Variants in DIPK2B observed in about 807,000 individuals in gnomAD.
DIPK2B encodes UPF0672 protein CXorf36.
In DIPK2B, 15 loss-of-function variants were observed where a neutral mutation model predicts 22.2. The observed-to-expected ratio is 0.68, with a 90% CI of 0.45 to 1.04. DIPK2B has a LOEUF of 1.04. Among genes scored for constraint, DIPK2B ranks in the 50% least tolerant of loss-of-function variants. The pLI is 0.00. For missense variants in DIPK2B, 345 were observed against 348.3 expected, an observed-to-expected ratio of 0.99 and a Z score of 0.08; for synonymous variants, 163 against 153.2, an observed-to-expected ratio of 1.06 and a Z score of -0.47.
At chrX:45,156,208 G>A (rs1411757633) in intron 3 of DIPK2B, among the ~76,000 whole-genome samples, 1 of 110,053 alleles carries the variant, frequency 9.1e-6, no homozygotes, top group Non-Finnish European at 1.9e-5. Context: ...CTGACCTCAG[G>A]TGACCCGCCC....
At chrX:45,153,859 T>C in intron 4 of DIPK2B, 51 bp downstream of exon 4, 1 of 1,138,246 alleles carries the variant, frequency 8.8e-7, no homozygotes, top group Non-Finnish European at 1.2e-6. Context: ...CTAGCTCCTG[T>C]CACCCTGACT....
intron 2 of DIPK2B, among the ~76,000 whole-genome samples, chrX:45,178,090 T>C (rs1003745522): frequency 9.0e-6 from 1 of 111,533 alleles, no homozygotes; most frequent in Admixed American, 9.5e-5. Context: ...TCTTATCTGC[T>C]GTAAGTGTGT....
intron 1 of DIPK2B, among the ~76,000 whole-genome samples, chrX:45,197,666 C>T (rs1366217760): frequency 9.0e-6 from 1 of 111,532 alleles, no homozygotes; most frequent in Admixed American, 9.5e-5. Flanking sequence ...TACAAATGGT[C>T]AATAAATCTG....
chrX:45,166,641 C>T lies in DIPK2B; in HGVS notation c.499-8753G>A, dbSNP rs184023408. Among the ~76,000 whole-genome samples, 4 of 112,098 alleles carry T rather than the reference C, an allele frequency of 3.6e-5. No homozygotes were observed. The East Asian group carries it at 8.4e-4, about 23-fold the overall frequency. On this transcript the variant is annotated intron_variant, in intron 2 of 4. Transcript: ENST00000398000. ...TGTCCAACTTGCTTCTGCCTGACTT[C>T]TGGCAGTTTCCAAAAGCAAATGTTT...
chrX:45,187,534 C>A (rs1004392374), intron 2 of DIPK2B, among the ~76,000 whole-genome samples: 3 of 110,456 alleles, frequency 2.7e-5, no homozygotes, highest in Non-Finnish European at 5.7e-5. Flanking sequence ...CTTCCTAATT[C>A]TTGGTCCTGT....
At chrX:45,169,166 C>A (rs183262430) in intron 2 of DIPK2B, among the ~76,000 whole-genome samples, 9 of 111,484 alleles carry the variant, frequency 8.1e-5, no homozygotes, top group African/African-American at 2.9e-4. Context: ...CTGTCTCAGG[C>A]AAACCTAAAA....
intron 2 of DIPK2B, chrX:45,163,995 T>G (rs2047035045): frequency 1.0e-6 from 1 of 968,377 alleles, no homozygotes; most frequent in Admixed American, 5.2e-5. Context: ...CAGAGAATAT[T>G]GTGCAAAGGT....
intron 2 of DIPK2B, among the ~76,000 whole-genome samples, chrX:45,191,013 C>T (rs1297518615): frequency 6.2e-5 from 7 of 112,840 alleles, no homozygotes; most frequent in Non-Finnish European, 9.4e-5. Flanking sequence ...TGGTGGCTCA[C>T]GCCTCAGTCC....
At chrX:45,178,797 C>T (rs1465909971) in intron 2 of DIPK2B, among the ~76,000 whole-genome samples, 1 of 111,429 alleles carries the variant, frequency 9.0e-6, no homozygotes, top group African/African-American at 3.3e-5. Context: ...CAGAGAACCA[C>T]ATTAAAAGAA....
At chrX:45,167,034 A>C (rs763588502) in intron 2 of DIPK2B, among the ~76,000 whole-genome samples, 1 of 112,792 alleles carries the variant, frequency 8.9e-6, no homozygotes, top group Non-Finnish European at 1.9e-5. Context: ...AATGGGACTT[A>C]GGTTAATCAT....
chrX:45,176,811 T>C (rs1008676418), intron 2 of DIPK2B, among the ~76,000 whole-genome samples: 11 of 111,832 alleles, frequency 9.8e-5, no homozygotes, highest in Admixed American at 4.7e-4. Flanking sequence ...CTTCATCTCC[T>C]GCCCTTGGTC....
In DIPK2B at chrX:45,168,161, C is replaced by T. The variant is rs778912576; in HGVS notation, c.499-10273G>A. Among the ~76,000 whole-genome samples, 10 of 112,443 alleles carry T rather than the reference C, an allele frequency of 8.9e-5. No individual in the cohort carries two copies. In the South Asian group the frequency reaches 3.7e-3, roughly 41 times the overall value. Reference sequence around the variant, plus strand: ...TCGTTTCAATGTTGCTTTGAAATCCCTAAGATATGGCAGGTTTATGATAGG... The same window carrying T: ...TCGTTTCAATGTTGCTTTGAAATCCTTAAGATATGGCAGGTTTATGATAGG... On this transcript the variant is annotated intron_variant, in intron 2 of 4. Coordinates refer to ENST00000398000, the MANE Select transcript of DIPK2B (RefSeq NM_176819.4).
chrX:45,175,428 A>G (rs2047111701), intron 2 of DIPK2B, among the ~76,000 whole-genome samples: 1 of 110,109 alleles, frequency 9.1e-6, no homozygotes, highest in Non-Finnish European at 1.9e-5. Flanking sequence ...GTAATATTAC[A>G]TATACAATTT....
chrX:45,185,059 G>A (rs2047174962), intron 2 of DIPK2B, among the ~76,000 whole-genome samples: 1 of 112,170 alleles, frequency 8.9e-6, no homozygotes, highest in Non-Finnish European at 1.9e-5. Flanking sequence ...CACAATCACG[G>A]TAGCACAATC....
At position 45,151,379 on chromosome X, in the gene DIPK2B, T is replaced by C; in HGVS notation, c.*273A>G. 2.7e-6 allele frequency: 1 copy of C among 368,009 alleles called. No individual in the cohort carries two copies. The highest frequency in any genetic ancestry group is 4.7e-6 in the Non-Finnish European group (1 of 212,436). 30.3% of individuals were successfully genotyped at this position (368,009 alleles called of 1,213,427 possible). On this transcript the variant is annotated 3_prime_UTR_variant, in exon 5 of 5. Coordinates refer to ENST00000398000, the MANE Select transcript of DIPK2B (RefSeq NM_176819.4). ...GTGTCTTCTTTCACCCTCAGGAGAG[T>C]CTGGTGGAGAACAGAGGAAACTGAG...
chrX:45,192,510 T>C (rs889136970), intron 1 of DIPK2B, among the ~76,000 whole-genome samples: 2 of 111,079 alleles, frequency 1.8e-5, no homozygotes. Flanking sequence ...CCAAACTGCT[T>C]ACCCTCTGAC....
intron 2 of DIPK2B, among the ~76,000 whole-genome samples, chrX:45,188,115 A>G (rs34240882): frequency 0.028 from 3,145 of 111,800 alleles, 112 homozygotes; most frequent in African/African-American, 0.095. Context: ...TTGGCTCTTG[A>G]AACTCCCATA....
intron 2 of DIPK2B, among the ~76,000 whole-genome samples, chrX:45,167,035 G>A (rs2047052438): frequency 8.9e-6 from 1 of 112,362 alleles, no homozygotes; most frequent in Non-Finnish European, 1.9e-5. Context: ...ATGGGACTTA[G>A]GTTAATCATG....
chrX:45,159,864 T>C (rs1406575103), intron 2 of DIPK2B, among the ~76,000 whole-genome samples: 1 of 112,106 alleles, frequency 8.9e-6, no homozygotes, highest in Non-Finnish European at 1.9e-5. Flanking sequence ...ATTCAAACAT[T>C]TTCTTGGAAT....
Sources: gnomAD v4.1 joint callset for allele counts (sites outside exome capture counted in the v4.1 genomes callset) on GRCh38, gnomAD v4.1.1 for gene constraint, MANE v1.5 for transcripts, NCBI Gene and HGNC (gene_info 2026-07-23, HGNC 2026-07-21) for gene names.